Variants in CLUH observed in about 807,000 individuals in gnomAD.
CLUH encodes the protein CLUH binding protein of NUMT mRNA, also known as clustered mitochondria protein homolog.
Under a neutral mutation model 139.3 loss-of-function variants are expected in CLUH, and 77 were observed. That is an observed-to-expected ratio of 0.55 (90% CI 0.46 to 0.67). The LOEUF is 0.67. Among genes scored for constraint, CLUH ranks in the 30% least tolerant of loss-of-function variants. The pLI is 0.00. For missense variants in CLUH, 1,876 were observed against 1,875.8 expected, an observed-to-expected ratio of 1.00 and a Z score of 0.00; for synonymous variants, 999 against 801.6, an observed-to-expected ratio of 1.25 and a Z score of -4.16.
rs755626856 is a variant in CLUH at position 2,691,686 on chromosome 17, C to T, written c.3790-4G>A. The T allele has an allele frequency of 1.9e-6, 3 of 1,611,632 alleles. No individual in the cohort carries two copies. The highest frequency in any genetic ancestry group is 2.2e-5 in the South Asian group (2 of 90,796). On this transcript the variant is annotated splice_region_variant and splice_polypyrimidine_tract_variant and intron_variant, in intron 24 of 25. Transcript: ENST00000651024. The stretch of plus-strand genomic sequence containing the variant: ...TGGCCATGCTGGGGGCCGTGAACTG[C>T]GGGGCGGGGAAACCAGCGGTGAGCG...
At position 2,704,166 on chromosome 17, in the gene CLUH, C is replaced by T. The variant is rs1378421465; in HGVS notation, c.303+196G>A. 6.6e-6 allele frequency among the ~76,000 whole-genome samples: 1 copy of T among 152,212 alleles called. No individual in the cohort carries two copies. Among genetic ancestry groups the T allele is most frequent in the Non-Finnish European group, 1.5e-5 (1 of 68,040 alleles). On this transcript the variant is annotated intron_variant, in intron 2 of 25. Transcript: ENST00000651024. This position sits in a 1 kb window ranked among gnomAD's most constrained non-coding sequence, Gnocchi z 5.7. Reference sequence around the variant, plus strand: ...GGCCCAGCTGGTTGCTGTCCTCTAGCAATGGGGCAACGACCTGACCCTGGG... The same window carrying T: ...GGCCCAGCTGGTTGCTGTCCTCTAGTAATGGGGCAACGACCTGACCCTGGG...
In CLUH at chr17:2,707,592, C is replaced by A. The variant is rs1045021466; in HGVS notation, c.101-3028G>T. On this transcript the variant is annotated intron_variant, in intron 1 of 25. Coordinates refer to ENST00000651024, the MANE Select transcript of CLUH (RefSeq NM_001366661.1). The surrounding 1 kb of genome is among the most constrained non-coding windows in gnomAD (Gnocchi z 7.4). Reference sequence around the variant, plus strand: ...GAACCCAGAATTTGGGGTACCTGGACCCCTCAAGATTGAGGGCCTAGGAGA... The same window carrying A: ...GAACCCAGAATTTGGGGTACCTGGAACCCTCAAGATTGAGGGCCTAGGAGA... 6 of 985,282 alleles carry A rather than the reference C, an allele frequency of 6.1e-6. No homozygotes were observed. The African/African-American group carries it at 8.7e-5, about 14-fold the overall frequency. 61.0% of individuals were successfully genotyped at this position (985,282 alleles called of 1,614,324 possible).
rs71377528 is a variant in CLUH, at chr17:2,693,141, CAAAA to C, written c.3232-285_3232-282del. Reference sequence around the variant, plus strand: ...AAACCTAAAACTACTAAAAATGTTACAAAAAAAAAAAAAAAGCCTGAGCAGGGGT... The same window carrying C: ...AAACCTAAAACTACTAAAAATGTTACAAAAAAAAAAAGCCTGAGCAGGGGT... On this transcript the variant is annotated intron_variant, in intron 19 of 25. Transcript: ENST00000651024. 1.4e-3 allele frequency among the ~76,000 whole-genome samples: 103 copies of C among 73,784 alleles called. 1 individual carries two copies. Among genetic ancestry groups the C allele is most frequent in the African/African-American group, 5.8e-3 (96 of 16,638 alleles). The allele number at this position is 73,784 out of a possible 152,430, so 48.4% of individuals were successfully genotyped here.
At position 2,701,984 on chromosome 17, in the gene CLUH, G is replaced by A. The variant is rs370368001; in HGVS notation, c.549C>T (p.Ser183=). The A allele has an allele frequency of 3.5e-5, 56 of 1,613,990 alleles. No homozygotes were observed. In the Admixed American group the frequency reaches 6.5e-4, roughly 19 times the overall value. Residue 183 remains serine, a synonymous_variant, in exon 4 of 26, where the codon TCC becomes TCT. Transcript: ENST00000651024. Reference sequence around the variant, plus strand: ...TGCAGTCAACCCCGTTGAAGGCATCGGATGGGTCCAGGCTCTTGAGCAGGT... The same window carrying A: ...TGCAGTCAACCCCGTTGAAGGCATCAGATGGGTCCAGGCTCTTGAGCAGGT... The part of the protein sequence containing the change: ...VRDLLKSLDP[S]DAFNGVDCNS...
chr17:2,704,445 T>A lies in CLUH; in HGVS notation c.220A>T (p.Thr74Ser), dbSNP rs764787924. The change falls in exon 2 of 26, where the codon ACC becomes TCC. Residue 74 changes from threonine (T) to serine (S), a missense_variant. Thr to Ser is a moderately conservative substitution (Grantham distance 58). Transcript: ENST00000651024. This position sits in a 1 kb window ranked among gnomAD's most constrained non-coding sequence, Gnocchi z 5.7. ...TGAATGACAATGACTTCCTGGCCGG[T>A]GGTCTCATCTCCCGGGCCGGCCTCG... ...LDEAGPGDETTGQEVIVIQDT... is the reference protein window; with the variant it reads ...LDEAGPGDETSGQEVIVIQDT... 6 of 1,608,248 alleles carry A rather than the reference T, an allele frequency of 3.7e-6. No individual in the cohort carries two copies. The highest frequency in any genetic ancestry group is 1.7e-6 in the Non-Finnish European group (2 of 1,177,608).
intron 13 of CLUH, 160 bp from the exon 14 acceptor site, chr17:2,695,686 G>C: frequency 9.9e-7 from 1 of 1,007,116 alleles, no homozygotes; most frequent in Non-Finnish European, 1.4e-6. Flanking sequence ...TCTGGCAGGA[G>C]CGCAGGCCAA....
Position 2,704,356 on chromosome 17 carries a change from T to C in CLUH, c.303+6A>G. 6.2e-7 allele frequency: 1 copy of C among 1,608,390 alleles called. No individual in the cohort carries two copies. The highest frequency in any genetic ancestry group is 8.5e-7 in the Non-Finnish European group (1 of 1,177,538). ...CTGGCCCCCAGCACCCGTTCCTCCA[T>C]CTTACCTGCAGGGAGAAGGGCTCGA... On this transcript the variant is annotated splice_donor_region_variant and intron_variant, in intron 2 of 25. Coordinates refer to ENST00000651024, the MANE Select transcript of CLUH (RefSeq NM_001366661.1). The surrounding 1 kb of genome is among the most constrained non-coding windows in gnomAD (Gnocchi z 5.7).
chr17:2,701,773 A>T (rs2070190584), intron 4 of CLUH, 36 bp from the exon 5 acceptor site: 1 of 1,556,152 alleles, frequency 6.4e-7, no homozygotes. Flanking sequence ...GCACAGGGCC[A>T]CCCAGGGCCA....
intron 10 of CLUH, among the ~76,000 whole-genome samples, chr17:2,697,268 G>A (rs2069986939): frequency 6.6e-6 from 1 of 152,064 alleles, no homozygotes; most frequent in South Asian, 2.1e-4. Flanking sequence ...GCGTGGTGGT[G>A]CACGCCTGTA....
intron 22 of CLUH, 44 bp downstream of exon 22, chr17:2,692,317 G>C: frequency 2.0e-6 from 3 of 1,496,590 alleles, no homozygotes; most frequent in African/African-American, 1.4e-5. Context: ...CGGCTGCCCC[G>C]CAGGCCTCCG....
chr17:2,702,219 G>A (rs975920633), intron 3 of CLUH, among the ~76,000 whole-genome samples, 162 bp from the exon 4 acceptor site: 2 of 152,094 alleles, frequency 1.3e-5, no homozygotes, highest in Non-Finnish European at 2.9e-5. Flanking sequence ...CTGGAGTTCT[G>A]GTTTTGACAC....
In CLUH at chr17:2,696,172, T is replaced by C; in HGVS notation, c.2378A>G (p.Gln793Arg). 2 of 1,562,274 alleles carry C rather than the reference T, an allele frequency of 1.3e-6. No homozygotes were observed. The highest frequency in any genetic ancestry group is 1.7e-6 in the Non-Finnish European group (2 of 1,153,502). Residue 793 changes from glutamine (Q) to arginine (R), a missense_variant, in exon 13 of 26, where the codon CAG (glutamine) becomes CGG (arginine). Transcript: ENST00000651024. The stretch of plus-strand genomic sequence containing the variant: ...CCCCTCCCTCACCAAGCCAGGGATC[T>C]GGCAGGAGAGCAGGAAGGCAGCCGC... The part of the protein sequence containing the change: ...KDAAAFLLSC[Q>R]IPGLVKDCME...
chr17:2,696,330 A>C, intron 12 of CLUH, 71 bp from the exon 13 acceptor site: 1 of 1,500,564 alleles, frequency 6.7e-7, no homozygotes, highest in Non-Finnish European at 9.1e-7. Flanking sequence ...CTGGCGGGGG[A>C]AGCGCTCAGA....
intron 25 of CLUH, 117 bp downstream of exon 25, chr17:2,691,492 C>G: frequency 2.0e-6 from 2 of 1,009,636 alleles, no homozygotes; most frequent in South Asian, 2.8e-5. Context: ...ACCCGGGAGG[C>G]GGAGGCTGCA....
intron 1 of CLUH, among the ~76,000 whole-genome samples, chr17:2,708,801 C>A (rs545861025): frequency 2.0e-5 from 3 of 151,438 alleles, no homozygotes; most frequent in African/African-American, 7.3e-5. Flanking sequence ...TCCCGAGGGG[C>A]CCGGCAGCAC....
rs1479489050 is a variant in CLUH at position 2,704,298 on chromosome 17, C to A, written c.303+64G>T. On this transcript the variant is annotated intron_variant, in intron 2 of 25. Coordinates refer to ENST00000651024, the MANE Select transcript of CLUH (RefSeq NM_001366661.1). This position sits in a 1 kb window ranked among gnomAD's most constrained non-coding sequence, Gnocchi z 5.7. ...CGGTAGGAGCACGAGCAAGGCTGAG[C>A]TTTCCAGCTCACCCTCCCCAGCAGG... 2.6e-6 allele frequency: 4 copies of A among 1,532,952 alleles called. No individual in the cohort carries two copies. The highest frequency in any genetic ancestry group is 2.8e-5 in the African/African-American group (2 of 72,684). 95.0% of individuals were successfully genotyped at this position (1,532,952 alleles called of 1,614,324 possible). A position where few individuals can be genotyped will look rare whatever the true frequency, so the allele number is the denominator to read the frequency against.
Position 2,701,534 on chromosome 17 carries a change from C to T in CLUH, c.745-14G>A, listed in dbSNP as rs750430314. On this transcript the variant is annotated splice_polypyrimidine_tract_variant and intron_variant, in intron 5 of 25. Transcript: ENST00000651024. ...GCACTGCAAGGGCTTCGGGAGCGGC[C>T]GAGTCTGAGGGGCCAGGCCTCTGGT... The T allele has an allele frequency of 1.5e-5, 25 of 1,613,488 alleles. No individual in the cohort carries two copies. In the South Asian group the frequency reaches 1.8e-4, roughly 11 times the overall value.
rs946794027 is a variant in CLUH, at chr17:2,711,625, G to A, written c.37C>T (p.Pro13Ser). ...CCGTGTTCCCGGGCGCTGTCGGCCG[G>A]GGCGGCCGCCGGCAACTCGTCCGTC... ...IKTDELPAAA[P>S]ADSAREHGSQ... Residue 13 changes from proline to serine, a missense_variant, in exon 1 of 26, where the codon CCG becomes TCG. Physicochemically the swap from Pro to Ser is moderately conservative, Grantham distance 74. Coordinates refer to ENST00000651024, the MANE Select transcript of CLUH (RefSeq NM_001366661.1). 5 of 984,128 alleles carry A rather than the reference G, an allele frequency of 5.1e-6. No individual in the cohort carries two copies. The African/African-American group carries it at 8.8e-5, about 17-fold the overall frequency. The allele number at this position is 984,128 out of a possible 1,614,324, so 61.0% of individuals were successfully genotyped here. A position where few individuals can be genotyped will look rare whatever the true frequency, so the allele number is the denominator to read the frequency against.
intron 19 of CLUH, among the ~76,000 whole-genome samples, chr17:2,693,463 G>A (rs976800120): frequency 6.6e-6 from 1 of 151,954 alleles, no homozygotes; most frequent in African/African-American, 2.4e-5. Context: ...CCTTTGCAGG[G>A]AGTAGGGATC....
Sources: gnomAD v4.1 joint callset for allele counts (sites outside exome capture counted in the v4.1 genomes callset) on GRCh38, gnomAD v4.1.1 for gene constraint, Gnocchi (gnomAD v3.1) non-coding constraint, MANE v1.5 for transcripts, NCBI Gene and HGNC (gene_info 2026-07-23, HGNC 2026-07-21) for gene names.